Variants in C9orf85 observed in about 807,000 individuals in gnomAD.
C9orf85 encodes uncharacterized protein C9orf85.
In C9orf85, 16 loss-of-function variants were observed where a neutral mutation model predicts 14.9. The ratio of observed to expected loss-of-function variants is 1.08; its 90% CI spans 0.73 to 1.63. The LOEUF (loss-of-function observed/expected upper bound fraction) is 1.63, where lower values mean the gene tolerates loss of function less well. Ranked by LOEUF, C9orf85 falls within the 40% of genes most tolerant of loss-of-function variation. C9orf85 has a pLI of 0.00. For synonymous variants in C9orf85, 45 were observed against 56.8 expected (o/e 0.79, Z 0.93); for missense variants, 172 against 186.1 (o/e 0.92, Z 0.44).
At chr9:71,912,412 G>C (rs758631749) in intron 1 of C9orf85, among the ~76,000 whole-genome samples, 3 of 152,168 alleles carry the variant, frequency 2.0e-5, no homozygotes, top group African/African-American at 7.2e-5. Flanking sequence ...AAAAAATTCA[G>C]ACTGTCTAGA....
At chr9:71,928,134 T>A (rs1827973576) in intron 1 of C9orf85, among the ~76,000 whole-genome samples, 1 of 132,216 alleles carries the variant, frequency 7.6e-6, no homozygotes, top group South Asian at 2.3e-4. Flanking sequence ...TTACAGTGAA[T>A]CAAGATTCTG....
intron 1 of C9orf85, among the ~76,000 whole-genome samples, chr9:71,938,144 C>T (rs1250385042): frequency 6.6e-6 from 1 of 152,034 alleles, no homozygotes; most frequent in Non-Finnish European, 1.5e-5. Context: ...CAAATTATTA[C>T]TTCATATCAC....
intron 2 of C9orf85, among the ~76,000 whole-genome samples, chr9:71,965,929 C>G (rs896892392): frequency 6.6e-6 from 1 of 152,088 alleles, no homozygotes; most frequent in Admixed American, 6.6e-5. Context: ...TAATGACTCC[C>G]TATTTCTATA....
intron 1 of C9orf85, among the ~76,000 whole-genome samples, chr9:71,923,227 T>A (rs936175072): frequency 6.6e-6 from 1 of 152,204 alleles, no homozygotes; most frequent in African/African-American, 2.4e-5. Context: ...TTCTACTTTT[T>A]ACTGTACTTC....
chr9:71,971,643 A>T (rs747316589), intron 3 of C9orf85, 25 bp downstream of exon 3: 14 of 1,434,200 alleles, frequency 9.8e-6, no homozygotes, highest in Middle Eastern at 3.6e-4. Flanking sequence ...TTATGTTTGA[A>T]TTTTACTCTT....
chr9:71,943,922 A>G (rs1395332341), intron 1 of C9orf85, among the ~76,000 whole-genome samples: 1 of 151,824 alleles, frequency 6.6e-6, no homozygotes, highest in Non-Finnish European at 1.5e-5. Flanking sequence ...AAGCAGCAAT[A>G]ACAACACTGA....
At chr9:71,954,799 C>T (rs1822341607) in intron 2 of C9orf85, among the ~76,000 whole-genome samples, 2 of 152,038 alleles carry the variant, frequency 1.3e-5, no homozygotes, top group South Asian at 4.1e-4. Flanking sequence ...TCTTAATAAC[C>T]ATCTGGGAAT....
intron 2 of C9orf85, among the ~76,000 whole-genome samples, chr9:71,963,368 C>G (rs570081264): frequency 2.0e-5 from 3 of 152,024 alleles, no homozygotes; most frequent in Non-Finnish European, 4.4e-5. Context: ...TGAGAGGTGA[C>G]GGCGTGCTGG....
intron 3 of C9orf85, among the ~76,000 whole-genome samples, chr9:71,979,582 A>G (rs1823059971): frequency 6.6e-6 from 1 of 152,218 alleles, no homozygotes; most frequent in Non-Finnish European, 1.5e-5. Context: ...CAGGAAAGTC[A>G]GGCTTGCTAT....
chr9:71,971,034 C>A (rs1049112950), intron 2 of C9orf85, among the ~76,000 whole-genome samples: 1 of 151,998 alleles, frequency 6.6e-6, no homozygotes, highest in Non-Finnish European at 1.5e-5. Context: ...GGATTACAGG[C>A]CTGAGCACTA....
intron 1 of C9orf85, among the ~76,000 whole-genome samples, chr9:71,939,788 A>G (rs1048318732): frequency 6.6e-6 from 1 of 152,308 alleles, no homozygotes; most frequent in East Asian, 1.9e-4. Context: ...ACAGGATCTG[A>G]ATCCAGAAAT....
intron 1 of C9orf85, among the ~76,000 whole-genome samples, chr9:71,917,307 C>T (rs988044273): frequency 3.3e-5 from 5 of 152,192 alleles, no homozygotes; most frequent in African/African-American, 7.2e-5. Context: ...TGGAGTATCA[C>T]ATGCCATACA....
chr9:71,929,971 G>A (rs751926569), intron 1 of C9orf85, among the ~76,000 whole-genome samples: 5 of 149,996 alleles, frequency 3.3e-5, no homozygotes, highest in Non-Finnish European at 7.4e-5. Context: ...TCTGCAAAAC[G>A]AGGATAATTA....
intron 2 of C9orf85, among the ~76,000 whole-genome samples, chr9:71,964,035 C>T (rs1328297623): frequency 6.6e-6 from 1 of 152,152 alleles, no homozygotes; most frequent in Non-Finnish European, 1.5e-5. Flanking sequence ...ACCTTTATGT[C>T]TAGCTCAGGG....
At chr9:71,971,446 T>C (rs2132361043) in intron 2 of C9orf85, 59 bp from the exon 3 acceptor site, 2 of 1,063,990 alleles carry the variant, frequency 1.9e-6, no homozygotes, top group South Asian at 3.2e-5. Flanking sequence ...ACACATCTTA[T>C]TTTATCAAAT....
intron 3 of C9orf85, among the ~76,000 whole-genome samples, chr9:71,981,452 T>C (rs921230418): frequency 6.6e-6 from 1 of 152,222 alleles, no homozygotes; most frequent in African/African-American, 2.4e-5. Context: ...GCAGCAATTT[T>C]TCTTTTCTTG....
At chr9:71,940,375 A>G (rs1261319467) in intron 1 of C9orf85, among the ~76,000 whole-genome samples, 5 of 152,174 alleles carry the variant, frequency 3.3e-5, no homozygotes. Context: ...TTAAGGTTGC[A>G]GTGAGCTATG....
chr9:71,970,413 G>A (rs1008526050), intron 2 of C9orf85, among the ~76,000 whole-genome samples: 2 of 152,136 alleles, frequency 1.3e-5, no homozygotes, highest in Non-Finnish European at 2.9e-5. Flanking sequence ...AGTACCTCAC[G>A]ATCCTTATAA....
At chr9:71,925,921 ACT>A (rs1827920989) in intron 1 of C9orf85, among the ~76,000 whole-genome samples, 2 of 152,150 alleles carry the variant, frequency 1.3e-5, no homozygotes, top group Admixed American at 1.3e-4. Flanking sequence ...TTTCAGTAAA[ACT>A]CTAGAATAAT....
Sources: allele counts gnomAD v4.1 joint callset (sites outside exome capture counted in the v4.1 genomes callset), GRCh38; gene constraint gnomAD v4.1.1; transcripts MANE v1.5; gene names NCBI Gene and HGNC (gene_info 2026-07-23, HGNC 2026-07-21).